The following DPYD variants were observed in gnomAD, a reference collection of about 807,000 sequenced individuals.
DPYD encodes the protein dihydropyrimidine dehydrogenase [NADP(+)].
DPYD carries 109 observed loss-of-function variants against 116.2 expected under a neutral mutation model. The ratio of observed to expected loss-of-function variants is 0.94; its 90% CI spans 0.80 to 1.10. DPYD has a LOEUF of 1.10. Among genes scored for constraint, DPYD ranks in the 50% least tolerant of loss-of-function variants. The pLI is 0.00. For missense variants in DPYD, 1,302 were observed against 1,254.5 expected (o/e 1.04, Z -0.57); for synonymous variants, 440 against 432.0 (o/e 1.02, Z -0.23).
chr1:97,192,866 G>A (rs1658473494), intron 20 of DPYD, among the ~76,000 whole-genome samples: 1 of 152,154 alleles, frequency 6.6e-6, no homozygotes, highest in South Asian at 2.1e-4. Flanking sequence ...ATAATCTTGT[G>A]TTGTATTGGT....
chr1:97,660,924 T>G (rs956801452), intron 8 of DPYD, among the ~76,000 whole-genome samples: 3 of 152,170 alleles, frequency 2.0e-5, no homozygotes, highest in Non-Finnish European at 4.4e-5. Flanking sequence ...TTCTACTCAC[T>G]TCTTTATCTT....
At chr1:97,139,565 A>C (rs1218414138) in intron 20 of DPYD, among the ~76,000 whole-genome samples, 1 of 152,212 alleles carries the variant, frequency 6.6e-6, no homozygotes, top group Non-Finnish European at 1.5e-5. Context: ...TAACCAACTG[A>C]AGTATCATTA....
At chr1:97,850,008 G>T (rs1260383712) in intron 2 of DPYD, among the ~76,000 whole-genome samples, 1 of 152,122 alleles carries the variant, frequency 6.6e-6, no homozygotes, top group Non-Finnish European at 1.5e-5. Flanking sequence ...GACCATTATG[G>T]CATGCTAATA....
intron 2 of DPYD, among the ~76,000 whole-genome samples, 180 bp downstream of exon 2, chr1:97,883,084 T>G (rs1373506294): frequency 3.3e-5 from 5 of 152,068 alleles, no homozygotes; most frequent in Non-Finnish European, 7.4e-5. Flanking sequence ...TCAGGAGATT[T>G]TTTAAAGCAG....
chr1:97,359,695 A>G (rs1008390155), intron 16 of DPYD, among the ~76,000 whole-genome samples: 2 of 152,200 alleles, frequency 1.3e-5, no homozygotes, highest in African/African-American at 4.8e-5. Flanking sequence ...CAAATTTCAT[A>G]TCCAGCCAAA....
intron 2 of DPYD, among the ~76,000 whole-genome samples, chr1:97,844,001 G>C (rs1387106938): frequency 6.6e-6 from 1 of 152,082 alleles, no homozygotes; most frequent in Non-Finnish European, 1.5e-5. Context: ...AAAGAAAGGA[G>C]AATAAAGTGA....
chr1:97,165,805 A>C (rs1381789801), intron 20 of DPYD, among the ~76,000 whole-genome samples: 5 of 152,218 alleles, frequency 3.3e-5, no homozygotes, highest in Admixed American at 1.3e-4. Context: ...TGTGGCCAAC[A>C]AGTATATGAA....
intron 13 of DPYD, among the ~76,000 whole-genome samples, chr1:97,456,536 C>T (rs1210207447): frequency 6.6e-6 from 1 of 152,086 alleles, no homozygotes; most frequent in East Asian, 1.9e-4. Flanking sequence ...AACTTGTAAT[C>T]TCTTAGGCCA....
chr1:97,410,031 A>C (rs1159826252), intron 14 of DPYD, among the ~76,000 whole-genome samples: 1 of 151,752 alleles, frequency 6.6e-6, no homozygotes, highest in Non-Finnish European at 1.5e-5. Flanking sequence ...GCTCCACTGC[A>C]CTCCAGCCTG....
intron 21 of DPYD, among the ~76,000 whole-genome samples, chr1:97,094,234 GA>G (rs1650083395): frequency 6.6e-6 from 1 of 151,968 alleles, no homozygotes; most frequent in Non-Finnish European, 1.5e-5. Flanking sequence ...TTATGCTAAG[GA>G]GCTTACCTTA....
At chr1:97,096,584 G>T (rs1384178142) in intron 21 of DPYD, among the ~76,000 whole-genome samples, 4 of 152,054 alleles carry the variant, frequency 2.6e-5, no homozygotes, top group African/African-American at 9.7e-5. Context: ...CTGTAACTAG[G>T]ATTGTAAAAT....
intron 5 of DPYD, among the ~76,000 whole-genome samples, chr1:97,706,599 C>G (rs1276851389): frequency 6.6e-6 from 1 of 152,038 alleles, no homozygotes; most frequent in Admixed American, 6.6e-5. Flanking sequence ...GAATGCCATA[C>G]AGTTGAAATC....
intron 8 of DPYD, among the ~76,000 whole-genome samples, chr1:97,603,099 T>C (rs2102283328): frequency 6.6e-6 from 1 of 152,136 alleles, no homozygotes; most frequent in East Asian, 1.9e-4. Flanking sequence ...TAAAACAATT[T>C]CCTTAAATTT....
At chr1:97,168,105 A>G (rs1227326764) in intron 20 of DPYD, among the ~76,000 whole-genome samples, 1 of 152,196 alleles carries the variant, frequency 6.6e-6, no homozygotes, top group African/African-American at 2.4e-5. Context: ...AAATCTGAGG[A>G]ACTCTAAGAA....
chr1:97,680,188 G>A (rs1245966857), intron 7 of DPYD, among the ~76,000 whole-genome samples: 1 of 152,064 alleles, frequency 6.6e-6, no homozygotes, highest in African/African-American at 2.4e-5. Flanking sequence ...TTGGGTCTCT[G>A]GTCTGTGAAG....
chr1:97,750,958 G>C (rs1201872135), intron 3 of DPYD, among the ~76,000 whole-genome samples: 2 of 152,028 alleles, frequency 1.3e-5, no homozygotes, highest in Admixed American at 6.6e-5. Context: ...CATAAAAAAG[G>C]GCTGAGGTGG....
chr1:97,653,647 T>G (rs1347425046), intron 8 of DPYD, among the ~76,000 whole-genome samples: 1 of 152,160 alleles, frequency 6.6e-6, no homozygotes, highest in Admixed American at 6.5e-5. Context: ...TGTCTTTGTA[T>G]TCTCATGATA....
intron 18 of DPYD, among the ~76,000 whole-genome samples, chr1:97,269,306 T>A (rs976013690): frequency 2.0e-5 from 3 of 152,170 alleles, no homozygotes; most frequent in African/African-American, 2.4e-5. Flanking sequence ...AGATTTAGGC[T>A]CTCCCTGTAG....
chr1:97,850,280 G>T (rs1314037526), intron 2 of DPYD, among the ~76,000 whole-genome samples: 1 of 152,050 alleles, frequency 6.6e-6, no homozygotes, highest in African/African-American at 2.4e-5. Flanking sequence ...GATTACAGCT[G>T]GTATAGAATA....
Sources: allele counts gnomAD v4.1 joint callset (sites outside exome capture counted in the v4.1 genomes callset), GRCh38; gene constraint gnomAD v4.1.1; transcripts MANE v1.5; gene names NCBI Gene and HGNC (gene_info 2026-07-23, HGNC 2026-07-21).